RHPN2: variants seen among roughly 807,000 people sequenced by gnomAD.
RHPN2 encodes rhophilin Rho GTPase binding protein 2.
Under a neutral mutation model 79.0 loss-of-function variants are expected in RHPN2, and 40 were observed. The observed-to-expected ratio is 0.51, with a 90% CI of 0.39 to 0.66. The LOEUF (loss-of-function observed/expected upper bound fraction) is 0.66, where lower values mean the gene tolerates loss of function less well. RHPN2 is among the 30% of genes least tolerant of loss of function. RHPN2 has a pLI of 0.00. For missense variants in RHPN2, 686 were observed against 883.5 expected, an observed-to-expected ratio of 0.78 and a Z score of 2.83; for synonymous variants, 285 against 363.5, an observed-to-expected ratio of 0.78 and a Z score of 2.46.
At chr19:33,055,621 T>G (rs1472644355) in intron 1 of RHPN2, among the ~76,000 whole-genome samples, 1 of 151,634 alleles carries the variant, frequency 6.6e-6, no homozygotes, top group Admixed American at 6.6e-5. Flanking sequence ...TCATAAAAGA[T>G]GCACACAAGT....
intron 4 of RHPN2, among the ~76,000 whole-genome samples, chr19:33,020,149 T>A (rs1314021767): frequency 1.3e-5 from 2 of 152,052 alleles, no homozygotes; most frequent in Non-Finnish European, 1.5e-5. Flanking sequence ...CAGGCACAGG[T>A]GGGCTTATGA....
At chr19:33,012,840 A>T (rs1350319674) in intron 4 of RHPN2, 116 bp from the exon 5 acceptor site, 1 of 678,730 alleles carries the variant, frequency 1.5e-6, no homozygotes, top group Non-Finnish European at 2.7e-6. Flanking sequence ...AGAAAAACTT[A>T]TAGTGATTTT....
intron 11 of RHPN2, 99 bp from the exon 12 acceptor site, chr19:32,994,152 T>C (rs766356427): frequency 5.8e-6 from 5 of 867,306 alleles, no homozygotes; most frequent in Non-Finnish European, 9.6e-6. Context: ...TCCCAGCACT[T>C]TGGGAGGCTG....
chr19:33,002,592 G>A (rs1465383974), intron 8 of RHPN2, among the ~76,000 whole-genome samples, 189 bp from the exon 9 acceptor site: 1 of 152,290 alleles, frequency 6.6e-6, no homozygotes, highest in East Asian at 1.9e-4. Context: ...TCAGGCTGCT[G>A]TCATTATGCT....
At chr19:33,022,490 C>G (rs1971933019) in intron 3 of RHPN2, among the ~76,000 whole-genome samples, 1 of 152,118 alleles carries the variant, frequency 6.6e-6, no homozygotes, top group African/African-American at 2.4e-5. Context: ...GGCGTCCCAC[C>G]ACCGGCACAG....
At chr19:33,025,575 C>A (rs1188791664) in intron 3 of RHPN2, among the ~76,000 whole-genome samples, 1 of 152,166 alleles carries the variant, frequency 6.6e-6, no homozygotes, top group Non-Finnish European at 1.5e-5. Context: ...AGCTAGGAAA[C>A]AGACTGCAGT....
At chr19:32,981,417 A>AAGG (rs374714108) in intron 14 of RHPN2, among the ~76,000 whole-genome samples, 2 of 42,382 alleles carry the variant, frequency 4.7e-5, no homozygotes, top group East Asian at 9.7e-4. Context: ...ATAAAAAAAA[A>AAGG]GGGGGGGGGC....
intron 2 of RHPN2, among the ~76,000 whole-genome samples, chr19:33,035,354 A>C (rs1428577747): frequency 6.6e-6 from 1 of 151,770 alleles, no homozygotes; most frequent in Non-Finnish European, 1.5e-5. Context: ...CTTGAGGATC[A>C]GCCTCCCAAA....
chr19:33,031,147 A>G (rs1190387262), intron 2 of RHPN2, among the ~76,000 whole-genome samples: 1 of 152,168 alleles, frequency 6.6e-6, no homozygotes, highest in Non-Finnish European at 1.5e-5. Context: ...AGACACCTCA[A>G]TGTGTTCACC....
chr19:33,030,839 T>A (rs1972005044), intron 2 of RHPN2, among the ~76,000 whole-genome samples: 1 of 152,190 alleles, frequency 6.6e-6, no homozygotes, highest in Non-Finnish European at 1.5e-5. Flanking sequence ...GCTCCCGGCG[T>A]AAGCACATAC....
In RHPN2 at chr19:33,026,818, C is replaced by T. The variant is rs148913896; in HGVS notation, c.186-186G>A. ...CCAGCTTGCAGCACACCTGCCAGTACGTGGAGCTGGGGACACAGGCAATGA... is the reference window on the plus strand; with the variant it reads ...CCAGCTTGCAGCACACCTGCCAGTATGTGGAGCTGGGGACACAGGCAATGA... On this transcript the variant is annotated intron_variant, in intron 2 of 14. Transcript: ENST00000254260. 8.0e-4 allele frequency: 489 copies of T among 608,702 alleles called. 4 individuals carry two copies. The African/African-American group carries it at 8.1e-3, about 10-fold the overall frequency. The allele number at this position is 608,702 out of a possible 1,614,324, so 37.7% of individuals were successfully genotyped here.
intron 4 of RHPN2, among the ~76,000 whole-genome samples, chr19:33,015,125 T>TA (rs778775214): frequency 2.1e-3 from 318 of 151,514 alleles, no homozygotes; most frequent in African/African-American, 7.0e-3. Context: ...CTTAGTGGGA[T>TA]AAAAAAATTA....
chr19:33,018,875 A>C (rs1415340788), intron 4 of RHPN2, among the ~76,000 whole-genome samples: 1 of 151,340 alleles, frequency 6.6e-6, no homozygotes, highest in Non-Finnish European at 1.5e-5. Flanking sequence ...TCTACTAAAA[A>C]TACAAATTAG....
chr19:33,044,104 T>C (rs1972122936), intron 2 of RHPN2, 145 bp downstream of exon 2: 1 of 452,382 alleles, frequency 2.2e-6, no homozygotes, highest in Non-Finnish European at 4.5e-6. Context: ...GTTTTCAACA[T>C]AACCAAGCTA....
chr19:32,984,724 A>G (rs1299178645), intron 14 of RHPN2, among the ~76,000 whole-genome samples: 1 of 152,128 alleles, frequency 6.6e-6, no homozygotes, highest in African/African-American at 2.4e-5. Flanking sequence ...GGCTGATTCA[A>G]GAGGGTCTCT....
At chr19:33,041,296 C>A (rs1972098271) in intron 2 of RHPN2, among the ~76,000 whole-genome samples, 1 of 152,192 alleles carries the variant, frequency 6.6e-6, no homozygotes, top group Non-Finnish European at 1.5e-5. Flanking sequence ...TAATTTACAA[C>A]TGAAACCACC....
chr19:33,024,466 G>A (rs1050486937), intron 3 of RHPN2, among the ~76,000 whole-genome samples: 8 of 151,964 alleles, frequency 5.3e-5, no homozygotes, highest in African/African-American at 1.9e-4. Context: ...AATAAAAACC[G>A]TACAGGAGCC....
intron 1 of RHPN2, among the ~76,000 whole-genome samples, chr19:33,045,445 A>G (rs894083510): frequency 2.0e-5 from 3 of 151,584 alleles, no homozygotes; most frequent in African/African-American, 7.3e-5. Flanking sequence ...GGTTTTTAGT[A>G]TATTCAGGAG....
At chr19:33,033,659 A>G (rs1216795052) in intron 2 of RHPN2, among the ~76,000 whole-genome samples, 1 of 151,952 alleles carries the variant, frequency 6.6e-6, no homozygotes, top group Non-Finnish European at 1.5e-5. Context: ...ACCTGAGGTC[A>G]GGAGTTGGAG....
Sources: allele counts gnomAD v4.1 joint callset (sites outside exome capture counted in the v4.1 genomes callset), GRCh38; gene constraint gnomAD v4.1.1; transcripts MANE v1.5; gene names NCBI Gene and HGNC (gene_info 2026-07-23, HGNC 2026-07-21).